The following NUP210L variants were observed in gnomAD, a reference collection of about 807,000 sequenced individuals.
The protein encoded by NUP210L is nuclear pore membrane glycoprotein 210-like.
A neutral mutation model predicts 208.5 loss-of-function variants in NUP210L; 74 were observed. The ratio of observed to expected loss-of-function variants is 0.35; its 90% CI spans 0.29 to 0.43. NUP210L has a LOEUF of 0.43. Among genes scored for constraint, NUP210L ranks in the 20% least tolerant of loss-of-function variants. The probability of loss-of-function intolerance (pLI) is 1.00; values close to 1 mark genes in which losing one functional copy is unlikely to be tolerated. For missense variants in NUP210L, 1,843 were observed against 2,289.4 expected (o/e 0.81, Z 3.98); for synonymous variants, 780 against 816.9 (o/e 0.95, Z 0.77).
At chr1:154,067,728 A>G (rs1654488854) in intron 17 of NUP210L, among the ~76,000 whole-genome samples, 1 of 152,250 alleles carries the variant, frequency 6.6e-6, no homozygotes, top group Non-Finnish European at 1.5e-5. Context: ...CCTTAAGCTG[A>G]TAAGCAACTT....
chr1:154,023,301 T>C lies in NUP210L; in HGVS notation c.4123-4A>G, dbSNP rs756794739. ...GCAGGTATGTCACCGGTGCTACCTG[T>C]GGGAGACAAAACCTACTGGTACAGA... On this transcript the variant is annotated splice_polypyrimidine_tract_variant and splice_region_variant and intron_variant, in intron 30 of 39. Transcript: ENST00000368559. 10 of 1,601,664 alleles carry C rather than the reference T, an allele frequency of 6.2e-6. No homozygotes were observed. In the South Asian group the frequency reaches 9.0e-5, roughly 14 times the overall value.
intron 12 of NUP210L, among the ~76,000 whole-genome samples, chr1:154,108,960 C>T (rs1001255587): frequency 2.6e-5 from 4 of 151,642 alleles, no homozygotes. Context: ...ATTAGCTGGG[C>T]GTAGTAGCAC....
intron 4 of NUP210L, among the ~76,000 whole-genome samples, chr1:154,140,798 G>C (rs3002660): frequency 0.87 from 132,276 of 151,520 alleles, 57,995 homozygotes; most frequent in Admixed American, 0.92. Context: ...CTGGCTAACA[G>C]AGTGAAACCC....
chr1:154,033,455 T>C (rs1652365709), intron 27 of NUP210L, among the ~76,000 whole-genome samples: 2 of 152,186 alleles, frequency 1.3e-5, no homozygotes, highest in African/African-American at 4.8e-5. Context: ...AGTTTCATTC[T>C]TCTGCATATG....
intron 17 of NUP210L, among the ~76,000 whole-genome samples, chr1:154,065,779 G>C (rs1036242698): frequency 6.6e-6 from 1 of 150,912 alleles, no homozygotes; most frequent in African/African-American, 2.4e-5. Flanking sequence ...TATAGTCCCA[G>C]CTACTCAGGA....
At chr1:154,076,668 CT>C (rs1055230884) in intron 16 of NUP210L, among the ~76,000 whole-genome samples, 10 of 151,618 alleles carry the variant, frequency 6.6e-5, no homozygotes, top group Non-Finnish European at 2.9e-5. Flanking sequence ...ATTATCCAGT[CT>C]GATGAATAAA....
intron 27 of NUP210L, among the ~76,000 whole-genome samples, chr1:154,034,228 AT>A (rs1284101960): frequency 6.6e-6 from 1 of 151,712 alleles, no homozygotes; most frequent in Non-Finnish European, 1.5e-5. Flanking sequence ...CTCCTCCTCT[AT>A]TTTTCAGAAT....
At chr1:154,150,675 C>G (rs1659334737) in intron 2 of NUP210L, among the ~76,000 whole-genome samples, 1 of 114,102 alleles carries the variant, frequency 8.8e-6, no homozygotes, top group Admixed American at 8.9e-5. Context: ...TTGCAGCGAG[C>G]CAAGATCGCG....
exon 12 of NUP210L, chr1:154,117,786 C>G (rs1399390964): frequency 1.2e-6 from 2 of 1,613,304 alleles, no homozygotes; most frequent in Non-Finnish European, 1.7e-6. Context: ...ACTATTCCCC[C>G]TGACCTGACC....
At chr1:153,995,043 C>A in intron 38 of NUP210L, 33 bp downstream of exon 38, 4 of 1,304,050 alleles carry the variant, frequency 3.1e-6, no homozygotes, top group Non-Finnish European at 4.3e-6. Flanking sequence ...GTTTTCATGT[C>A]AAAGTCTATG....
intron 17 of NUP210L, among the ~76,000 whole-genome samples, chr1:154,069,224 C>T (rs1190758842): frequency 6.6e-6 from 1 of 152,102 alleles, no homozygotes; most frequent in African/African-American, 2.4e-5. Flanking sequence ...AGAGCTTTTG[C>T]ACAGCCAGAG....
In NUP210L at chr1:154,033,901, T is replaced by G. The variant is rs559538028; in HGVS notation, c.3697-3847A>C. 3.9e-5 allele frequency among the ~76,000 whole-genome samples: 6 copies of G among 152,222 alleles called. No individual in the cohort carries two copies. The East Asian group carries it at 1.2e-3, about 29-fold the overall frequency. Reference sequence around the variant, plus strand: ...ATGAACATGGGATATCTTTCCATTTTTTGTGTGTCTTCTTCATTTATTTTA... The same window carrying G: ...ATGAACATGGGATATCTTTCCATTTGTTGTGTGTCTTCTTCATTTATTTTA... On this transcript the variant is annotated intron_variant, in intron 27 of 39. Transcript: ENST00000368559.
At chr1:154,123,214 C>G (rs1400312674) in intron 10 of NUP210L, among the ~76,000 whole-genome samples, 1 of 152,140 alleles carries the variant, frequency 6.6e-6, no homozygotes, top group Non-Finnish European at 1.5e-5. Flanking sequence ...GGCGCAACCT[C>G]GGCTCACTGC....
intron 17 of NUP210L, among the ~76,000 whole-genome samples, chr1:154,062,506 TTTC>T (rs1654188968): frequency 6.6e-6 from 1 of 152,008 alleles, no homozygotes; most frequent in Non-Finnish European, 1.5e-5. Flanking sequence ...ATCATTCATT[TTTC>T]TTTCTCTTTC....
chr1:154,052,574 C>G (rs1353056454), intron 25 of NUP210L, among the ~76,000 whole-genome samples: 3 of 152,210 alleles, frequency 2.0e-5, no homozygotes, highest in African/African-American at 7.2e-5. Flanking sequence ...AGGGCTGACA[C>G]AGAGAACAAT....
intron 32 of NUP210L, 29 bp from the exon 33 acceptor site, chr1:154,019,098 C>T: frequency 6.2e-7 from 1 of 1,612,060 alleles, no homozygotes; most frequent in Non-Finnish European, 8.5e-7. Flanking sequence ...AAACACTTGG[C>T]TGAAGCCTTT....
Position 154,067,067 on chromosome 1 carries a change from G to A in NUP210L, c.2554+3206C>T, listed in dbSNP as rs954459034. Among the ~76,000 whole-genome samples the A allele has an allele frequency of 2.6e-5, 4 of 152,164 alleles. No homozygotes were observed. The East Asian group carries it at 7.7e-4, about 29-fold the overall frequency. On this transcript the variant is annotated intron_variant, in intron 17 of 39. Transcript: ENST00000368559. Reference sequence around the variant, plus strand: ...AACTTTTTTCCAGTCAATAGAAAAAGAGGGAATCCTCCCTAACTCATTTTA... The same window carrying A: ...AACTTTTTTCCAGTCAATAGAAAAAAAGGGAATCCTCCCTAACTCATTTTA...
chr1:154,060,081 A>T (rs538961239), intron 20 of NUP210L, among the ~76,000 whole-genome samples: 2 of 152,292 alleles, frequency 1.3e-5, no homozygotes, highest in Admixed American at 1.3e-4. Flanking sequence ...TCTACTAAAA[A>T]TACAAAAATT....
intron 16 of NUP210L, among the ~76,000 whole-genome samples, chr1:154,070,762 C>G (rs1654670256): frequency 6.6e-6 from 1 of 152,058 alleles, no homozygotes; most frequent in Non-Finnish European, 1.5e-5. Context: ...TGCACTTCAC[C>G]CCTAACTATT....
Sources: allele counts gnomAD v4.1 joint callset (sites outside exome capture counted in the v4.1 genomes callset), GRCh38; gene constraint gnomAD v4.1.1; transcripts MANE v1.5; gene names NCBI Gene and HGNC (gene_info 2026-07-23, HGNC 2026-07-21).